The following ADAM29 variants were observed in gnomAD, a reference collection of about 807,000 sequenced individuals.
The protein encoded by ADAM29 is ADAM metallopeptidase domain 29, also known as disintegrin and metalloproteinase domain-containing protein 29.
For missense variants in ADAM29, 969 were observed against 1,001.8 expected, an observed-to-expected ratio of 0.97 and a Z score of 0.44; for synonymous variants, 367 against 342.3, an observed-to-expected ratio of 1.07 and a Z score of -0.80.
At chr4:174,951,591 A>G (rs186124633) in intron 4 of ADAM29, among the ~76,000 whole-genome samples, 4 of 152,340 alleles carry the variant, frequency 2.6e-5, no homozygotes, top group East Asian at 1.9e-4. Context: ...TTTCAAATCT[A>G]TCTTCAATAG....
intron 4 of ADAM29, among the ~76,000 whole-genome samples, chr4:174,971,817 T>C (rs1361819759): frequency 6.6e-6 from 1 of 152,150 alleles, no homozygotes; most frequent in Non-Finnish European, 1.5e-5. Context: ...TCTCCTCTGA[T>C]ACTTCCTTAA....
chr4:174,940,381 A>G (rs867269703), intron 4 of ADAM29, among the ~76,000 whole-genome samples: 1 of 152,222 alleles, frequency 6.6e-6, no homozygotes. Flanking sequence ...ACATGATGAC[A>G]GGCATATGAT....
chr4:174,923,537 A>ATG (rs1560857130), intron 2 of ADAM29, among the ~76,000 whole-genome samples: 1 of 135,704 alleles, frequency 7.4e-6, no homozygotes, highest in African/African-American at 3.0e-5. Flanking sequence ...ATATATATAT[A>ATG]TATATATATA....
chr4:174,938,004 A>T (rs1225998657), intron 4 of ADAM29, among the ~76,000 whole-genome samples: 5 of 152,104 alleles, frequency 3.3e-5, no homozygotes, highest in Non-Finnish European at 7.4e-5. Context: ...CGTGACAATA[A>T]TAGATATTAG....
chr4:174,940,714 CA>C (rs1744488464), intron 4 of ADAM29, among the ~76,000 whole-genome samples: 1 of 152,228 alleles, frequency 6.6e-6, no homozygotes, highest in Non-Finnish European at 1.5e-5. Flanking sequence ...TTGCTTAAAA[CA>C]GGGCTTATAA....
In ADAM29 at chr4:174,977,575, C is replaced by T. The variant is rs1175585153; in HGVS notation, c.2050C>T (p.Leu684Phe). ...GTTCTGTTATCTGTGTATATTGTTG[C>T]TTATTGTTTTGTTTATTTTATTATG... The part of the protein sequence containing the change: ...KKFCYLCILL[L>F]IVLFILLCCL... The change falls in exon 5 of 5, where the codon CTT becomes TTT. Residue 684 changes from leucine (L) to phenylalanine (F), a missense_variant. Leu to Phe is a conservative substitution (Grantham distance 22). Transcript: ENST00000359240. 1.2e-5 allele frequency: 19 copies of T among 1,613,586 alleles called. No homozygotes were observed. The highest frequency in any genetic ancestry group is 1.4e-5 in the Non-Finnish European group (16 of 1,179,862).
chr4:174,923,018 G>A (rs1196349920), intron 2 of ADAM29, among the ~76,000 whole-genome samples: 2 of 151,914 alleles, frequency 1.3e-5, no homozygotes, highest in African/African-American at 2.4e-5. Context: ...AGTTACTCAA[G>A]CTCTCCAAAT....
In ADAM29 at chr4:174,942,425, C is replaced by T. The variant is rs7356280; in HGVS notation, c.-181+5412C>T. On this transcript the variant is annotated intron_variant, in intron 4 of 4. Coordinates refer to ENST00000359240, the MANE Select transcript of ADAM29 (RefSeq NM_014269.4). Reference sequence around the variant, plus strand: ...ATTTCCATACATCATTTGAAATCTACGTAGAGGCTCCCAAAGTTCAACTCT... The same window carrying T: ...ATTTCCATACATCATTTGAAATCTATGTAGAGGCTCCCAAAGTTCAACTCT... Among the ~76,000 whole-genome samples, 595 of 152,282 alleles carry T rather than the reference C, an allele frequency of 3.9e-3. 2 individuals are homozygous for T. The highest frequency in any genetic ancestry group is 0.013 in the African/African-American group (557 of 41,564).
rs186769923 is a variant in ADAM29 at position 174,928,434 on chromosome 4, T to C, written c.-450-2552T>C. ...TACTGGAGGGGTCAGTGAAGGGGGG[T>C]TTGTCTTTAGCCCTGGGGGAGCTGT... On this transcript the variant is annotated intron_variant, in intron 2 of 4. Coordinates refer to ENST00000359240, the MANE Select transcript of ADAM29 (RefSeq NM_014269.4). Among the ~76,000 whole-genome samples the C allele has an allele frequency of 9.7e-4, 146 of 150,092 alleles. 1 individual carries two copies. Among genetic ancestry groups the C allele is most frequent in the African/African-American group, 3.5e-3 (142 of 40,842 alleles).
Position 174,975,779 on chromosome 4 carries a change from A to T in ADAM29, c.254A>T (p.Asp85Val). ...CACCTCCCTGTGTTCACCTACACAG[A>T]CCAGGGTGCTATCCTTGAGGACCAG... The part of the protein sequence containing the change: ...SKHLPVFTYT[D>V]QGAILEDQPF... The change falls in exon 5 of 5, where the codon GAC (aspartate) becomes GTC (valine). Residue 85 changes from aspartate (D) to valine (V), a missense_variant. Physicochemically the swap from Asp to Val is radical, Grantham distance 152. Transcript: ENST00000359240. The T allele has an allele frequency of 2.5e-6, 4 of 1,614,144 alleles. No individual in the cohort carries two copies. Among genetic ancestry groups the T allele is most frequent in the Non-Finnish European group, 2.5e-6 (3 of 1,180,010 alleles).
intron 2 of ADAM29, among the ~76,000 whole-genome samples, chr4:174,921,209 C>A (rs1743143300): frequency 6.6e-6 from 1 of 152,074 alleles, no homozygotes. Context: ...TGAAAACAGT[C>A]AATCAACTCA....
At position 174,952,456 on chromosome 4, in the gene ADAM29, A is replaced by C. The variant is rs1056033605; in HGVS notation, c.-181+15443A>C. Among the ~76,000 whole-genome samples the C allele has an allele frequency of 2.0e-5, 3 of 152,178 alleles. 1 individual carries two copies. The highest frequency in any genetic ancestry group is 7.2e-5 in the African/African-American group (3 of 41,440). ...AGGGAATATCAGTGCATACTAACAC[A>C]TGAGAATATGTTTGAAACAGCACTG... is the stretch of plus-strand genomic sequence containing the variant. On this transcript the variant is annotated intron_variant, in intron 4 of 4. Coordinates refer to ENST00000359240, the MANE Select transcript of ADAM29 (RefSeq NM_014269.4).
intron 4 of ADAM29, among the ~76,000 whole-genome samples, chr4:174,953,529 A>G (rs532715426): frequency 2.0e-5 from 3 of 152,356 alleles, no homozygotes; most frequent in Non-Finnish European, 4.4e-5. Flanking sequence ...CTCACATAAT[A>G]TGAAGACACA....
At chr4:174,953,600 T>C (rs568951348) in intron 4 of ADAM29, among the ~76,000 whole-genome samples, 95 of 152,190 alleles carry the variant, frequency 6.2e-4, no homozygotes, top group Non-Finnish European at 5.6e-4. Context: ...CCTACTACAT[T>C]ATTGTTTTGG....
rs1319975166 is a variant in ADAM29 at position 174,931,149 on chromosome 4, A to T, written c.-287A>T. ...TCCAGTCCTCTTTGCGTGGAATCAG[A>T]CCTCTTTTGCAGTGGAAAGGAGCAG... On this transcript the variant is annotated 5_prime_UTR_variant, in exon 3 of 5. Transcript: ENST00000359240. 1 of 152,130 alleles carries T rather than the reference A, an allele frequency of 6.6e-6. No individual in the cohort carries two copies. The highest frequency in any genetic ancestry group is 1.5e-5 in the Non-Finnish European group (1 of 68,052). The allele number at this position is 152,130 out of a possible 1,614,324, so 9.4% of individuals were successfully genotyped here.
At chr4:174,920,528 A>G (rs1292224222) in intron 1 of ADAM29, among the ~76,000 whole-genome samples, 159 bp from the exon 2 acceptor site, 2 of 152,162 alleles carry the variant, frequency 1.3e-5, no homozygotes, top group Non-Finnish European at 2.9e-5. Flanking sequence ...CATGCCCAGA[A>G]ATCCAGATTT....
At chr4:174,949,951 C>T (rs1745076999) in intron 4 of ADAM29, among the ~76,000 whole-genome samples, 1 of 151,952 alleles carries the variant, frequency 6.6e-6, no homozygotes, top group African/African-American at 2.4e-5. Context: ...CATATAAACC[C>T]CAAATTTTTC....
At chr4:174,918,799 G>A (rs1743014444) in intron 1 of ADAM29, 2 of 151,930 alleles carry the variant, frequency 1.3e-5, no homozygotes, top group African/African-American at 4.8e-5. Flanking sequence ...AATTTGTTCA[G>A]AATCTCAGGA....
chr4:174,956,346 A>G lies in ADAM29; in HGVS notation c.-180-19000A>G, dbSNP rs932426213. Among the ~76,000 whole-genome samples, 3 of 152,090 alleles carry G rather than the reference A, an allele frequency of 2.0e-5. No homozygotes were observed. In the South Asian group the frequency reaches 6.2e-4, roughly 31 times the overall value. On this transcript the variant is annotated intron_variant, in intron 4 of 4. Coordinates refer to ENST00000359240, the MANE Select transcript of ADAM29 (RefSeq NM_014269.4). ...TTTAATGTATATATACTTGTGTTTC[A>G]GTTTAATTTTTTAGTAAATATTCAT... is the stretch of plus-strand genomic sequence containing the variant.
Sources: allele counts gnomAD v4.1 joint callset (sites outside exome capture counted in the v4.1 genomes callset), GRCh38; gene constraint gnomAD v4.1.1; transcripts MANE v1.5; gene names NCBI Gene and HGNC (gene_info 2026-07-23, HGNC 2026-07-21).